RSPO3: variants seen among roughly 807,000 people sequenced by gnomAD.
The protein encoded by RSPO3 is R-spondin-3.
Under a neutral mutation model 36.5 loss-of-function variants are expected in RSPO3, and 17 were observed. That is an observed-to-expected ratio of 0.47 (90% CI 0.32 to 0.70). The LOEUF is 0.70. Ranked by LOEUF, RSPO3 falls within the 30% of genes least tolerant of loss-of-function variation. RSPO3 has a pLI of 0.04. For synonymous variants in RSPO3, 108 were observed against 107.0 expected (o/e 1.01, Z -0.06); for missense variants, 294 against 322.5 (o/e 0.91, Z 0.68).
chr6:127,122,404 C>A (rs1034246962), intron 1 of RSPO3, among the ~76,000 whole-genome samples: 13 of 151,476 alleles, frequency 8.6e-5, no homozygotes, highest in African/African-American at 3.2e-4. Context: ...TTTTTTTTTG[C>A]CATAATGATA....
At chr6:127,120,278 T>C (rs1043137741) in intron 1 of RSPO3, among the ~76,000 whole-genome samples, 3 of 152,198 alleles carry the variant, frequency 2.0e-5, no homozygotes, top group Non-Finnish European at 4.4e-5. Flanking sequence ...CAGGGTAGCC[T>C]GGCGCCCTCG....
chr6:127,152,434 T>C (rs1348325776), intron 3 of RSPO3, among the ~76,000 whole-genome samples: 1 of 152,056 alleles, frequency 6.6e-6, no homozygotes, highest in African/African-American at 2.4e-5. Flanking sequence ...TGCTTCTATA[T>C]CACAAAGGAA....
chr6:127,159,644 CTTTTTTTTTTTT>C (rs869033594), intron 4 of RSPO3, among the ~76,000 whole-genome samples: 2 of 123,284 alleles, frequency 1.6e-5, no homozygotes, highest in African/African-American at 6.4e-5. Flanking sequence ...ATACATTCTC[CTTTTTTTTTTTT>C]TTTTTTTTTT....
At chr6:127,153,096 C>G (rs1238024383) in intron 3 of RSPO3, among the ~76,000 whole-genome samples, 1 of 152,100 alleles carries the variant, frequency 6.6e-6, no homozygotes, top group Admixed American at 6.6e-5. Context: ...ACAGCACAAT[C>G]ATTCCCAGGG....
intron 1 of RSPO3, among the ~76,000 whole-genome samples, chr6:127,135,926 CAAAAA>C (rs5879836): frequency 1.7e-5 from 2 of 115,018 alleles, no homozygotes; most frequent in Non-Finnish European, 3.6e-5. Context: ...GACCCTGCCT[CAAAAA>C]AAAAAAAAAA....
chr6:127,141,030 T>C (rs1353947289), intron 1 of RSPO3, among the ~76,000 whole-genome samples: 1 of 152,196 alleles, frequency 6.6e-6, no homozygotes, highest in Admixed American at 6.5e-5. Context: ...ACAACACTCA[T>C]TACAATCTTT....
chr6:127,187,887 T>G (rs1358088290), intron 4 of RSPO3, among the ~76,000 whole-genome samples: 7 of 152,192 alleles, frequency 4.6e-5, no homozygotes, highest in African/African-American at 1.7e-4. Context: ...TCCTTTACTT[T>G]TATAATGAGT....
intron 4 of RSPO3, among the ~76,000 whole-genome samples, chr6:127,159,710 G>A (rs190327374): frequency 8.2e-5 from 12 of 146,766 alleles, no homozygotes; most frequent in African/African-American, 1.0e-4. Context: ...GTGCAGTGGC[G>A]CGATCTCGGC....
chr6:127,166,166 G>C (rs527899901), intron 4 of RSPO3, among the ~76,000 whole-genome samples: 1 of 151,948 alleles, frequency 6.6e-6, no homozygotes. Flanking sequence ...AATAGTGTGT[G>C]CATGTTTACT....
At chr6:127,126,645 TA>T (rs1251414563) in intron 1 of RSPO3, among the ~76,000 whole-genome samples, 1 of 152,138 alleles carries the variant, frequency 6.6e-6, no homozygotes, top group Non-Finnish European at 1.5e-5. Flanking sequence ...ACATAAGGTA[TA>T]AAAATAAAAT....
chr6:127,136,452 G>A (rs1482534312), intron 1 of RSPO3, among the ~76,000 whole-genome samples: 2 of 152,082 alleles, frequency 1.3e-5, no homozygotes, highest in Non-Finnish European at 2.9e-5. Flanking sequence ...CTATTCCTGG[G>A]AATGAGGAAG....
At chr6:127,145,988 A>T (rs1377996010) in intron 1 of RSPO3, among the ~76,000 whole-genome samples, 1 of 152,112 alleles carries the variant, frequency 6.6e-6, no homozygotes, top group Non-Finnish European at 1.5e-5. Context: ...GTTGTGTAAT[A>T]CTGACTGTGT....
intron 1 of RSPO3, among the ~76,000 whole-genome samples, chr6:127,121,038 T>C (rs965378775): frequency 5.9e-5 from 9 of 152,190 alleles, no homozygotes; most frequent in Non-Finnish European, 1.3e-4. Flanking sequence ...CGCAACCCAC[T>C]CTGCTTTCCA....
rs371153452 is a variant in RSPO3 at position 127,148,814 on chromosome 6, A to G, written c.264A>G (p.Arg88=). Residue 88 remains arginine, a synonymous_variant, in exon 2 of 5, where the codon CGA becomes CGG. Coordinates refer to ENST00000356698, the MANE Select transcript of RSPO3 (RefSeq NM_032784.5). ...GTCCAAGTGGATATTATGGAACTCG[A>G]TATCCAGATATAAATAAGTGTACAA... is the stretch of plus-strand genomic sequence containing the variant. ...SSCPSGYYGT[R]YPDINKCTKC... is the part of the protein sequence containing the mutation. 16 of 1,612,038 alleles carry G rather than the reference A, an allele frequency of 9.9e-6. No individual in the cohort carries two copies. The highest frequency in any genetic ancestry group is 6.7e-5 in the Admixed American group (4 of 59,912).
intron 4 of RSPO3, among the ~76,000 whole-genome samples, chr6:127,160,728 T>A (rs930110615): frequency 1.3e-5 from 2 of 152,148 alleles, no homozygotes; most frequent in African/African-American, 4.8e-5. Context: ...GGCACATTGG[T>A]GGGTGTGTCT....
At chr6:127,185,320 T>C (rs1163105476) in intron 4 of RSPO3, among the ~76,000 whole-genome samples, 1 of 152,008 alleles carries the variant, frequency 6.6e-6, no homozygotes, top group Admixed American at 6.6e-5. Context: ...CTGCTATAGG[T>C]GAAATACTCC....
intron 4 of RSPO3, among the ~76,000 whole-genome samples, chr6:127,170,975 G>A (rs1460841452): frequency 1.3e-5 from 2 of 151,644 alleles, no homozygotes; most frequent in African/African-American, 4.8e-5. Flanking sequence ...CTATACAACA[G>A]TGTGAATGTA....
chr6:127,119,512 A>G (rs376217771), intron 1 of RSPO3, among the ~76,000 whole-genome samples: 1 of 152,234 alleles, frequency 6.6e-6, no homozygotes, highest in African/African-American at 2.4e-5. Context: ...GGGCGGGCGG[A>G]CGCGGCGCTA....
chr6:127,141,219 C>A (rs1774263390), intron 1 of RSPO3, among the ~76,000 whole-genome samples: 1 of 152,148 alleles, frequency 6.6e-6, no homozygotes, highest in African/African-American at 2.4e-5. Context: ...TACAGTGAAG[C>A]CTACTTGCAT....
Sources: gnomAD v4.1 joint callset for allele counts (sites outside exome capture counted in the v4.1 genomes callset) on GRCh38, gnomAD v4.1.1 for gene constraint, MANE v1.5 for transcripts, NCBI Gene and HGNC (gene_info 2026-07-23, HGNC 2026-07-21) for gene names.